FBXO45: variants seen among roughly 807,000 people sequenced by gnomAD.
The protein encoded by FBXO45 is F-box/SPRY domain-containing protein 1.
In FBXO45, 3 loss-of-function variants were observed where a neutral mutation model predicts 25.5. That is an observed-to-expected ratio of 0.12 (90% CI 0.05 to 0.30). The LOEUF is 0.30. FBXO45 is among the 10% of genes least tolerant of loss of function. The pLI is 1.00. For missense variants in FBXO45, 219 were observed against 365.0 expected (o/e 0.60, Z 3.26); for synonymous variants, 155 against 149.8 (o/e 1.03, Z -0.25).
chr3:196,569,186 C>G lies in FBXO45; in HGVS notation c.202C>G (p.Arg68Gly), dbSNP rs770514574. The G allele has an allele frequency of 6.4e-7, 1 of 1,562,572 alleles. No homozygotes were observed. Among genetic ancestry groups the G allele is most frequent in the Non-Finnish European group, 8.7e-7 (1 of 1,154,056 alleles). The change falls in exon 1 of 3, where the codon CGC (arginine) becomes GGC (glycine). Residue 68 changes from arginine to glycine, a missense_variant. Physicochemically the swap from Arg to Gly is moderately radical, Grantham distance 125. Transcript: ENST00000311630. This position sits in a 1 kb window ranked among gnomAD's most constrained non-coding sequence, Gnocchi z 4.1. The stretch of plus-strand genomic sequence containing the variant: ...CGCCCTGGTGTGCAAGCACTGGTAC[C>G]GCTGCCTGCACGGCGATGAGAACAG... ...SCALVCKHWYRCLHGDENSEV... is the reference protein window; with the variant it reads ...SCALVCKHWYGCLHGDENSEV...
In FBXO45 at chr3:196,569,729, G is replaced by A. The variant is rs373410986; in HGVS notation, c.318+427G>A. Among the ~76,000 whole-genome samples the A allele has an allele frequency of 2.6e-5, 4 of 152,206 alleles. No individual in the cohort carries two copies. Among genetic ancestry groups the A allele is most frequent in the East Asian group, 3.9e-4 (2 of 5,184 alleles). ...AGTTTCTAGTTTGCTTTCACTCCAC[G>A]TTTATCTCATCTTTTCCAAGCTCTG... is the stretch of plus-strand genomic sequence containing the variant. On this transcript the variant is annotated intron_variant, in intron 1 of 2. Transcript: ENST00000311630. The surrounding 1 kb of genome is among the most constrained non-coding windows in gnomAD (Gnocchi z 4.1).
chr3:196,578,083 C>T (rs1735948423), intron 2 of FBXO45, among the ~76,000 whole-genome samples: 1 of 132,302 alleles, frequency 7.6e-6, no homozygotes, highest in Non-Finnish European at 1.5e-5. Flanking sequence ...CTCCGTTGCC[C>T]AGGCTAGAGT....
Position 196,569,354 on chromosome 3 carries a change from GTT to G in FBXO45, c.318+53_318+54del. On this transcript the variant is annotated intron_variant, in intron 1 of 2. Transcript: ENST00000311630. This position sits in a 1 kb window ranked among gnomAD's most constrained non-coding sequence, Gnocchi z 4.1. The stretch of plus-strand genomic sequence containing the variant: ...GCCCCCAGTCCCGCTCCCCGGCGTC[GTT>G]CGCGGTGTTTCTCATCCGAGCTTCT... The G allele has an allele frequency of 7.0e-7, 1 of 1,432,474 alleles. No homozygotes were observed. Among genetic ancestry groups the G allele is most frequent in the South Asian group, 1.4e-5 (1 of 70,374 alleles). The allele number at this position is 1,432,474 out of a possible 1,614,324, so 88.7% of individuals were successfully genotyped here.
intron 2 of FBXO45, among the ~76,000 whole-genome samples, chr3:196,583,863 C>G (rs951309529): frequency 6.6e-6 from 1 of 152,116 alleles, no homozygotes; most frequent in Non-Finnish European, 1.5e-5. Context: ...ACCATGTTGC[C>G]CAGGCTGGTC....
intron 1 of FBXO45, among the ~76,000 whole-genome samples, chr3:196,572,994 T>G (rs969351273): frequency 6.6e-6 from 1 of 152,110 alleles, no homozygotes; most frequent in African/African-American, 2.4e-5. Context: ...TGATCATAGC[T>G]CACTGCAGCC....
At chr3:196,583,527 T>G (rs912302948) in intron 2 of FBXO45, among the ~76,000 whole-genome samples, 109 of 151,048 alleles carry the variant, frequency 7.2e-4, no homozygotes, top group African/African-American at 2.5e-3. Context: ...AAAAAAAAGT[T>G]CCGTTGTATG....
chr3:196,570,971 A>G (rs1735814721), intron 1 of FBXO45, among the ~76,000 whole-genome samples: 1 of 151,692 alleles, frequency 6.6e-6, no homozygotes, highest in African/African-American at 2.4e-5. Flanking sequence ...TGGCCTCCCA[A>G]AGTGCTGGGA....
intron 2 of FBXO45, among the ~76,000 whole-genome samples, chr3:196,578,801 T>A (rs933879282): frequency 4.7e-5 from 7 of 148,194 alleles, no homozygotes; most frequent in African/African-American, 1.7e-4. Context: ...TTTTTTGCAA[T>A]TTTTTTTTTT....
intron 2 of FBXO45, among the ~76,000 whole-genome samples, chr3:196,578,432 G>A (rs938293565): frequency 1.1e-4 from 16 of 151,930 alleles, no homozygotes; most frequent in African/African-American, 3.9e-4. Flanking sequence ...TTTTGCTCCA[G>A]ATCAGGGGTT....
In FBXO45 at chr3:196,573,523, G is replaced by A. The variant is rs369390635; in HGVS notation, c.319-3930G>A. 3.8e-4 allele frequency among the ~76,000 whole-genome samples: 58 copies of A among 152,286 alleles called. No homozygotes were observed. In the South Asian group the frequency reaches 0.012, roughly 31 times the overall value. The stretch of plus-strand genomic sequence containing the variant: ...GCCTATACCAGAGATACTTAAGACT[G>A]GAACAGGTACATCGAGGAGAGAAGG... On this transcript the variant is annotated intron_variant, in intron 1 of 2. Coordinates refer to ENST00000311630, the MANE Select transcript of FBXO45 (RefSeq NM_001105573.2).
chr3:196,568,851 G>A lies in FBXO45; in HGVS notation c.-134G>A. On this transcript the variant is annotated 5_prime_UTR_variant, in exon 1 of 3. Transcript: ENST00000311630. ...GCCCCCGGGCAGGGGCGGGAGTGGT[G>A]GAGGCGCCGGCGGTTGGCACTGACA... is the stretch of plus-strand genomic sequence containing the variant. 1.6e-6 allele frequency: 1 copy of A among 616,016 alleles called. No individual in the cohort carries two copies. The highest frequency in any genetic ancestry group is 2.0e-6 in the Non-Finnish European group (1 of 492,136). 38.2% of individuals were successfully genotyped at this position (616,016 alleles called of 1,614,324 possible). A position where few individuals can be genotyped will look rare whatever the true frequency, so the allele number is the denominator to read the frequency against.
intron 2 of FBXO45, among the ~76,000 whole-genome samples, chr3:196,579,519 G>A (rs1735973639): frequency 1.3e-5 from 2 of 152,132 alleles, no homozygotes; most frequent in South Asian, 4.1e-4. Flanking sequence ...CATGCTCTAT[G>A]GTTTTAGTCC....
chr3:196,572,583 T>G (rs1577595004), intron 1 of FBXO45, among the ~76,000 whole-genome samples: 2 of 152,224 alleles, frequency 1.3e-5, no homozygotes, highest in African/African-American at 4.8e-5. Context: ...GTGATGCTGG[T>G]TTGAGATAAG....
Position 196,568,923 on chromosome 3 carries a change from C to T in FBXO45, c.-62C>T. The T allele has an allele frequency of 1.0e-6, 1 of 984,456 alleles. No individual in the cohort carries two copies. Among genetic ancestry groups the T allele is most frequent in the Non-Finnish European group, 1.2e-6 (1 of 827,370 alleles). 61.0% of individuals were successfully genotyped at this position (984,456 alleles called of 1,614,324 possible). A position where few individuals can be genotyped will look rare whatever the true frequency, so the allele number is the denominator to read the frequency against. ...CGGTCTCCGGGCGAGGCTTGGCCTTCCGAGCAGAGACGGCGGGAAGCGGCG... is the reference window on the plus strand; with the variant it reads ...CGGTCTCCGGGCGAGGCTTGGCCTTTCGAGCAGAGACGGCGGGAAGCGGCG... On this transcript the variant is annotated 5_prime_UTR_variant, in exon 1 of 3. Coordinates refer to ENST00000311630, the MANE Select transcript of FBXO45 (RefSeq NM_001105573.2).
rs1423553722 is a variant in FBXO45, at chr3:196,585,849, T to G, written c.*1531T>G. 1 of 152,200 alleles carries G rather than the reference T, an allele frequency of 6.6e-6. No individual in the cohort carries two copies. The highest frequency in any genetic ancestry group is 1.5e-5 in the Non-Finnish European group (1 of 68,030). The allele number at this position is 152,200 out of a possible 1,614,324, so 9.4% of individuals were successfully genotyped here. A position where few individuals can be genotyped will look rare whatever the true frequency, so the allele number is the denominator to read the frequency against. ...ATGTATGTTTTGTTTTAAATCTGAT[T>G]AGGGACACCCAGCAGCTGGCCGGGA... On this transcript the variant is annotated 3_prime_UTR_variant, in exon 3 of 3. Transcript: ENST00000311630.
At chr3:196,575,457 C>CAAAA (rs1198432279) in intron 1 of FBXO45, among the ~76,000 whole-genome samples, 3 of 89,950 alleles carry the variant, frequency 3.3e-5, no homozygotes, top group Admixed American at 1.1e-4. Flanking sequence ...GACTCTGTCT[C>CAAAA]AAAAAAAAAA....
chr3:196,585,793 C>T lies in FBXO45; in HGVS notation c.*1475C>T, dbSNP rs945254364. 3.3e-5 allele frequency: 5 copies of T among 152,126 alleles called. No individual in the cohort carries two copies. Among genetic ancestry groups the T allele is most frequent in the Admixed American group, 1.3e-4 (2 of 15,268 alleles). The allele number at this position is 152,126 out of a possible 1,614,324, so 9.4% of individuals were successfully genotyped here. On this transcript the variant is annotated 3_prime_UTR_variant, in exon 3 of 3. Coordinates refer to ENST00000311630, the MANE Select transcript of FBXO45 (RefSeq NM_001105573.2). ...ATACATAAGAATTGACAAAAGCGAG[C>T]GAAATCTTTGTACTTCTGAGTTCTT...
At chr3:196,573,572 A>G (rs1168409299) in intron 1 of FBXO45, among the ~76,000 whole-genome samples, 2 of 152,246 alleles carry the variant, frequency 1.3e-5, no homozygotes, top group Admixed American at 6.5e-5. Context: ...GCTGTCGTAG[A>G]AAACAATATA....
Position 196,585,127 on chromosome 3 carries a change from C to CA in FBXO45, c.*810dup, listed in dbSNP as rs1316338834. 1 of 152,178 alleles carries CA rather than the reference C, an allele frequency of 6.6e-6. No homozygotes were observed. Among genetic ancestry groups the CA allele is most frequent in the Non-Finnish European group, 1.5e-5 (1 of 68,020 alleles). 9.4% of individuals were successfully genotyped at this position (152,178 alleles called of 1,614,324 possible). A position where few individuals can be genotyped will look rare whatever the true frequency, so the allele number is the denominator to read the frequency against. Reference sequence around the variant, plus strand: ...TCTCAAAATCATAGTAAAGATCTCTCAGTCTCCTGGCTAAAGATTGAAGGA... The same window carrying CA: ...TCTCAAAATCATAGTAAAGATCTCTCAAGTCTCCTGGCTAAAGATTGAAGGA... On this transcript the variant is annotated 3_prime_UTR_variant, in exon 3 of 3. Coordinates refer to ENST00000311630, the MANE Select transcript of FBXO45 (RefSeq NM_001105573.2).
Sources: allele counts gnomAD v4.1 joint callset (sites outside exome capture counted in the v4.1 genomes callset), GRCh38; gene constraint gnomAD v4.1.1; non-coding constraint Gnocchi (gnomAD v3.1); transcripts MANE v1.5; gene names NCBI Gene and HGNC (gene_info 2026-07-23, HGNC 2026-07-21).